The following C6orf118 variants were observed in gnomAD, a reference collection of about 807,000 sequenced individuals.
C6orf118 encodes the protein uncharacterized protein C6orf118.
In C6orf118, 50 loss-of-function variants were observed where a neutral mutation model predicts 50.2. That is an observed-to-expected ratio of 1.00 (90% confidence interval 0.79 to 1.26). The LOEUF (loss-of-function observed/expected upper bound fraction) is 1.26. Among genes scored for constraint, C6orf118 ranks in the 50% most tolerant of loss-of-function variants. C6orf118 has a pLI of 0.00. For synonymous variants in C6orf118, 239 were observed against 230.9 expected (o/e 1.03, Z -0.32); for missense variants, 641 against 578.7 (o/e 1.11, Z -1.10).
At position 165,302,342 on chromosome 6, in the gene C6orf118, C is replaced by T. The variant is rs9459357; in HGVS notation, c.26-46G>A. The T allele has an allele frequency of 0.01, 16,083 of 1,576,456 alleles. 1,421 individuals are homozygous for T. The African/African-American group carries it at 0.19, about 19-fold the overall frequency. ...GGCTCTTAGGGATCGCTCTTAGTTC[C>T]ACAGTAAGTCAGCTGGTGCACTGGC... On this transcript the variant is annotated intron_variant, in intron 1 of 8. Transcript: ENST00000230301.
At chr6:165,303,186 C>T (rs554536677) in intron 1 of C6orf118, among the ~76,000 whole-genome samples, 8 of 152,294 alleles carry the variant, frequency 5.3e-5, no homozygotes, top group African/African-American at 1.9e-4. Flanking sequence ...CCTGAGTCAA[C>T]CAAGGCGGCT....
chr6:165,292,748 A>G (rs1284324666), intron 6 of C6orf118, among the ~76,000 whole-genome samples: 1 of 152,188 alleles, frequency 6.6e-6, no homozygotes, highest in Non-Finnish European at 1.5e-5. Flanking sequence ...GGGGATGCAA[A>G]TCAGGCGACA....
At chr6:165,305,655 T>A (rs1320230534) in intron 1 of C6orf118, among the ~76,000 whole-genome samples, 1 of 106,302 alleles carries the variant, frequency 9.4e-6, no homozygotes, top group Non-Finnish European at 1.8e-5. Context: ...CATCAAAAAG[T>A]GGGTGAAGGA....
chr6:165,290,506 T>C (rs1411098995), intron 6 of C6orf118, among the ~76,000 whole-genome samples: 1 of 151,668 alleles, frequency 6.6e-6, no homozygotes, highest in Admixed American at 6.6e-5. Context: ...ATACAAAGGA[T>C]AAAGAGAAGT....
intron 4 of C6orf118, 70 bp from the exon 5 acceptor site, chr6:165,298,171 G>A: frequency 6.7e-7 from 1 of 1,485,026 alleles, no homozygotes; most frequent in South Asian, 1.4e-5. Context: ...TTTCTTATTT[G>A]TCATTAATGC....
rs1780556088 is a variant in C6orf118 at position 165,301,839 on chromosome 6, T to G, written c.483A>C (p.Gly161=). The change falls in exon 2 of 9, where the codon GGA becomes GGC. Residue 161 remains glycine, a synonymous_variant. Transcript: ENST00000230301. The stretch of plus-strand genomic sequence containing the variant: ...CAGGAGGGCCCCGTCCAGGAGGGCC[T>G]CCTTTCTTTTCTTCCTTCCCCTCTC... ...AVREGKEEKK[G]GPPGRGPPGW... 6.2e-7 allele frequency: 1 copy of G among 1,613,858 alleles called. No individual in the cohort carries two copies. Among genetic ancestry groups the G allele is most frequent in the South Asian group, 1.1e-5 (1 of 91,080 alleles).
At chr6:165,299,698 A>G (rs558193110) in intron 3 of C6orf118, among the ~76,000 whole-genome samples, 196 bp from the exon 4 acceptor site, 1 of 152,346 alleles carries the variant, frequency 6.6e-6, no homozygotes, top group South Asian at 2.1e-4. Flanking sequence ...AGCATATTTG[A>G]GCATTAAGTA....
intron 5 of C6orf118, among the ~76,000 whole-genome samples, chr6:165,296,263 T>G (rs202078098): frequency 0.34 from 45,478 of 134,186 alleles, 8,321 homozygotes; most frequent in African/African-American, 0.52. Flanking sequence ...TTTTTTTTTT[T>G]TTTTTTTTTT....
chr6:165,301,024 C>G (rs1165829933), intron 2 of C6orf118, among the ~76,000 whole-genome samples: 1 of 152,166 alleles, frequency 6.6e-6, no homozygotes, highest in Non-Finnish European at 1.5e-5. Context: ...CTCTCAGACC[C>G]CTCTGCTGAC....
chr6:165,287,227 G>A (rs1779939261), intron 7 of C6orf118, among the ~76,000 whole-genome samples: 1 of 152,088 alleles, frequency 6.6e-6, no homozygotes, highest in African/African-American at 2.4e-5. Context: ...AACAAGAGAA[G>A]TGAAATACCT....
chr6:165,293,518 A>T, intron 5 of C6orf118, 47 bp from the exon 6 acceptor site: 1 of 1,517,488 alleles, frequency 6.6e-7, no homozygotes, highest in Non-Finnish European at 9.1e-7. Context: ...TCCCCATTAT[A>T]TCTTTTGTCT....
At chr6:165,283,195 G>C (rs1779789062) in intron 7 of C6orf118, among the ~76,000 whole-genome samples, 1 of 152,102 alleles carries the variant, frequency 6.6e-6, no homozygotes, top group African/African-American at 2.4e-5. Context: ...CCCACAGAGA[G>C]CAAGAAAAAG....
intron 5 of C6orf118, among the ~76,000 whole-genome samples, chr6:165,294,473 T>C (rs1780224330): frequency 6.6e-6 from 1 of 152,148 alleles, no homozygotes; most frequent in Non-Finnish European, 1.5e-5. Context: ...AACATCCACA[T>C]GCAAATAATT....
At chr6:165,308,716 C>T (rs12660425) in intron 1 of C6orf118, among the ~76,000 whole-genome samples, 23,953 of 152,034 alleles carry the variant, frequency 0.16, 2,082 homozygotes, top group East Asian at 0.21. Flanking sequence ...CCCACAACAG[C>T]CCAGGAGGTA....
rs372530850 is a variant in C6orf118, at chr6:165,293,417, T to C, written c.1116A>G (p.Arg372=). 13 of 1,613,940 alleles carry C rather than the reference T, an allele frequency of 8.1e-6. No homozygotes were observed. The African/African-American group carries it at 1.5e-4, about 18-fold the overall frequency. The change falls in exon 6 of 9, where the codon CGA becomes CGG. Residue 372 remains arginine, a synonymous_variant. Transcript: ENST00000230301. ...GGACATCACACAGACACCTGCCTGATCGTTCCTTTGCAGACTGCAGCAATG... is the reference window on the plus strand; with the variant it reads ...GGACATCACACAGACACCTGCCTGACCGTTCCTTTGCAGACTGCAGCAATG... ...EVALLQSAKE[R]SESSEKHIID...
intron 5 of C6orf118, among the ~76,000 whole-genome samples, chr6:165,296,250 G>GTTTTT (rs56394079): frequency 2.9e-5 from 3 of 103,390 alleles, no homozygotes; most frequent in African/African-American, 6.5e-5. Context: ...TTCGTTTTTT[G>GTTTTT]TTTTTTTTTT....
intron 7 of C6orf118, among the ~76,000 whole-genome samples, chr6:165,286,601 C>G (rs934343354): frequency 6.6e-6 from 1 of 152,072 alleles, no homozygotes; most frequent in Non-Finnish European, 1.5e-5. Context: ...GCCTTCACCC[C>G]CAAGATGCAA....
chr6:165,295,649 GTTT>G (rs60422352), intron 5 of C6orf118, among the ~76,000 whole-genome samples: 5,884 of 106,976 alleles, frequency 0.055, 389 homozygotes, highest in African/African-American at 0.21. Context: ...TTGATTTATT[GTTT>G]TTTTTTTTCG....
At chr6:165,307,619 T>G (rs552839913) in intron 1 of C6orf118, among the ~76,000 whole-genome samples, 1 of 152,078 alleles carries the variant, frequency 6.6e-6, no homozygotes, top group Non-Finnish European at 1.5e-5. Flanking sequence ...AAACTGAGAA[T>G]CCCATGGAAA....
Sources: gnomAD v4.1 joint callset for allele counts (sites outside exome capture counted in the v4.1 genomes callset) on GRCh38, gnomAD v4.1.1 for gene constraint, MANE v1.5 for transcripts, NCBI Gene and HGNC (gene_info 2026-07-23, HGNC 2026-07-21) for gene names.